Variants in KIAA1217 observed in about 807,000 individuals in gnomAD.
KIAA1217 encodes sickle tail protein homolog.
In KIAA1217, 88 loss-of-function variants were observed where a neutral mutation model predicts 163.9. The observed-to-expected ratio is 0.54, with a 90% confidence interval of 0.45 to 0.64. The LOEUF (loss-of-function observed/expected upper bound fraction) is 0.64. KIAA1217 is among the 30% of genes least tolerant of loss of function. The pLI, the probability that KIAA1217 is intolerant of heterozygous loss-of-function variation, is 0.00. For missense variants in KIAA1217, 2,372 were observed against 2,475.0 expected (o/e 0.96, Z 0.88); for synonymous variants, 903 against 923.1 (o/e 0.98, Z 0.39).
At chr10:23,785,634 T>G (rs1335831) in intron 1 of KIAA1217, among the ~76,000 whole-genome samples, 43,267 of 152,044 alleles carry the variant, frequency 0.28, 6,686 homozygotes, top group African/African-American at 0.4. Context: ...ATGGACATGT[T>G]ATTTAACCAT....
chr10:24,166,737 T>TA (rs1030589160), intron 2 of KIAA1217, among the ~76,000 whole-genome samples: 4 of 152,108 alleles, frequency 2.6e-5, no homozygotes, highest in African/African-American at 9.6e-5. Flanking sequence ...ATTAAAAAAT[T>TA]AAAAAGTTTT....
chr10:23,707,660 A>G (rs1250481225), intron 1 of KIAA1217, among the ~76,000 whole-genome samples: 2 of 152,296 alleles, frequency 1.3e-5, no homozygotes, highest in East Asian at 3.9e-4. Flanking sequence ...GTGTCCACTG[A>G]AAGTCCGGAC....
intron 2 of KIAA1217, among the ~76,000 whole-genome samples, chr10:24,325,647 C>T (rs373713919): frequency 3.3e-5 from 5 of 152,242 alleles, no homozygotes; most frequent in African/African-American, 7.2e-5. Flanking sequence ...CTATAATAAC[C>T]GATTTGTCTG....
intron 2 of KIAA1217, among the ~76,000 whole-genome samples, chr10:24,050,861 A>G (rs1849450589): frequency 6.6e-6 from 1 of 152,166 alleles, no homozygotes; most frequent in South Asian, 2.1e-4. Flanking sequence ...TAGCAGAAAA[A>G]GCAAAAACTG....
At chr10:24,105,561 T>C (rs919400258) in intron 2 of KIAA1217, among the ~76,000 whole-genome samples, 3 of 152,286 alleles carry the variant, frequency 2.0e-5, no homozygotes, top group Admixed American at 6.5e-5. Flanking sequence ...CATCTAGAAC[T>C]GAGATTCTTT....
chr10:24,500,626 T>A (rs2067452396), intron 8 of KIAA1217, among the ~76,000 whole-genome samples: 1 of 152,196 alleles, frequency 6.6e-6, no homozygotes, highest in African/African-American at 2.4e-5. Flanking sequence ...TAATCTCCCC[T>A]TGGCGATTGG....
At chr10:23,956,611 CTG>C (rs1019589792) in intron 1 of KIAA1217, among the ~76,000 whole-genome samples, 3 of 152,122 alleles carry the variant, frequency 2.0e-5, no homozygotes, top group Non-Finnish European at 4.4e-5. Flanking sequence ...ATACCTGAGA[CTG>C]GGTAATTTGT....
At chr10:24,484,241 A>T (rs12765600) in intron 6 of KIAA1217, among the ~76,000 whole-genome samples, 4,740 of 75,620 alleles carry the variant, frequency 0.063, 301 homozygotes, top group Non-Finnish European at 0.087. Context: ...ATATATATAT[A>T]TTTTTTTTTT....
intron 1 of KIAA1217, among the ~76,000 whole-genome samples, chr10:23,984,623 T>A (rs1845898186): frequency 6.6e-6 from 1 of 152,122 alleles, no homozygotes; most frequent in Admixed American, 6.5e-5. Context: ...GGGACATGGA[T>A]GAAGCTGGAA....
rs1037270523 is a variant in KIAA1217 at position 23,695,168 on chromosome 10, G to C, written c.-387G>C. 1 of 152,558 alleles carries C rather than the reference G, an allele frequency of 6.6e-6. No homozygotes were observed. Among genetic ancestry groups the C allele is most frequent in the African/African-American group, 2.4e-5 (1 of 41,480 alleles). 9.5% of individuals were successfully genotyped at this position (152,558 alleles called of 1,614,324 possible). ...GGGGCATGAGAGCGAGGTGGCTCCA[G>C]GTCTCCGCGGAGCAGCTGCCAGTGG... On this transcript the variant is annotated 5_prime_UTR_variant, in exon 1 of 19. Coordinates refer to the KIAA1217 transcript ENST00000376462. The surrounding 1 kb of genome is among the most constrained non-coding windows in gnomAD (Gnocchi z 4.9).
chr10:24,357,531 A>T (rs1422308672), intron 2 of KIAA1217, among the ~76,000 whole-genome samples: 1 of 152,220 alleles, frequency 6.6e-6, no homozygotes, highest in Non-Finnish European at 1.5e-5. Context: ...CCCCTGCAGC[A>T]GCACACCCGC....
At chr10:23,989,617 A>G in intron 1 of KIAA1217, among the ~76,000 whole-genome samples, 1 of 152,222 alleles carries the variant, frequency 6.6e-6, no homozygotes, top group South Asian at 2.1e-4. Context: ...CCTTCGGATT[A>G]AAATACTCGA....
intron 1 of KIAA1217, among the ~76,000 whole-genome samples, chr10:23,992,136 A>G (rs1846244559): frequency 6.6e-6 from 1 of 152,208 alleles, no homozygotes; most frequent in Non-Finnish European, 1.5e-5. Context: ...CAAAACTGAG[A>G]CAACTAGAGT....
intron 1 of KIAA1217, among the ~76,000 whole-genome samples, chr10:23,852,111 A>T (rs1426026480): frequency 6.6e-6 from 1 of 152,068 alleles, no homozygotes; most frequent in East Asian, 1.9e-4. Context: ...CTGAATGGTA[A>T]TGCCTAGGTT....
At chr10:24,068,017 C>T (rs2061034607) in intron 2 of KIAA1217, among the ~76,000 whole-genome samples, 1 of 152,192 alleles carries the variant, frequency 6.6e-6, no homozygotes, top group South Asian at 2.1e-4. Context: ...GTGGGAGTAA[C>T]CCAATTTTCC....
intron 3 of KIAA1217, among the ~76,000 whole-genome samples, chr10:24,411,765 A>G (rs2057793884): frequency 1.3e-5 from 2 of 151,842 alleles, no homozygotes; most frequent in South Asian, 4.2e-4. Flanking sequence ...CTCCAACATG[A>G]CTTTTTTTTT....
intron 6 of KIAA1217, among the ~76,000 whole-genome samples, chr10:24,493,954 C>T (rs916563470): frequency 2.0e-5 from 3 of 152,118 alleles, no homozygotes; most frequent in Non-Finnish European, 4.4e-5. Flanking sequence ...GCCACCGCGC[C>T]CGGCCGGGTT....
Position 24,383,792 on chromosome 10 carries a change from C to A in KIAA1217, c.553+2725C>A, listed in dbSNP as rs1157524575. Among the ~76,000 whole-genome samples, 3 of 152,338 alleles carry A rather than the reference C, an allele frequency of 2.0e-5. No individual in the cohort carries two copies. The East Asian group carries it at 5.8e-4, about 29-fold the overall frequency. On this transcript the variant is annotated intron_variant, in intron 3 of 20. Coordinates refer to ENST00000376454, the MANE Select transcript of KIAA1217 (RefSeq NM_019590.5). ...GCTGGGTTGATGTTGCCCTTGACCG[C>A]CTCTTTGTGGCCGATTGGGGAATGT...
chr10:24,188,992 G>C (rs1178915060), intron 2 of KIAA1217, among the ~76,000 whole-genome samples: 1 of 151,674 alleles, frequency 6.6e-6, no homozygotes, highest in Admixed American at 6.6e-5. Context: ...TGTAGTCCCA[G>C]CTACTCTGGT....
Sources: gnomAD v4.1 joint callset for allele counts (sites outside exome capture counted in the v4.1 genomes callset) on GRCh38, gnomAD v4.1.1 for gene constraint, Gnocchi (gnomAD v3.1) non-coding constraint, MANE v1.5 for transcripts, NCBI Gene and HGNC (gene_info 2026-07-23, HGNC 2026-07-21) for gene names.